CDC42: variants seen among roughly 807,000 people sequenced by gnomAD.
CDC42 encodes the protein cell division cycle 42.
Under a neutral mutation model 20.8 loss-of-function variants are expected in CDC42, and 1 was observed. That is an observed-to-expected ratio of 0.05 (90% CI 0.02 to 0.23). The LOEUF (loss-of-function observed/expected upper bound fraction) is 0.23. CDC42 is among the 10% of genes least tolerant of loss of function. CDC42 has a pLI of 1.00. For missense variants in CDC42, 49 were observed against 227.9 expected, an observed-to-expected ratio of 0.21 and a Z score of 5.05; for synonymous variants, 72 against 84.8, an observed-to-expected ratio of 0.85 and a Z score of 0.83.
In CDC42 at chr1:22,067,556, G is replaced by A. The variant is rs552891136; in HGVS notation, c.-50-10873G>A. 1.4e-4 allele frequency among the ~76,000 whole-genome samples: 21 copies of A among 152,310 alleles called. No homozygotes were observed. The South Asian group carries it at 4.4e-3, about 32-fold the overall frequency. ...GACAGGGTTTCACCAAGTTGGCCAGGCTGGTCTCGAACGCCTGACCTCAGA... is the reference window on the plus strand; with the variant it reads ...GACAGGGTTTCACCAAGTTGGCCAGACTGGTCTCGAACGCCTGACCTCAGA... On this transcript the variant is annotated intron_variant, in intron 1 of 5. Transcript: ENST00000656825.
intron 1 of CDC42, among the ~76,000 whole-genome samples, chr1:22,076,272 C>T (rs1645548564): frequency 6.6e-6 from 1 of 151,942 alleles, no homozygotes; most frequent in East Asian, 1.9e-4. Context: ...CCAGCCTGGC[C>T]AACATGGTGA....
At chr1:22,060,717 C>A (rs1645353544) in intron 1 of CDC42, among the ~76,000 whole-genome samples, 1 of 152,110 alleles carries the variant, frequency 6.6e-6, no homozygotes, top group Admixed American at 6.6e-5. Context: ...GTATTTGTTT[C>A]ATTAGCTGAA....
At chr1:22,067,498 G>C (rs1221412109) in intron 1 of CDC42, among the ~76,000 whole-genome samples, 2 of 152,034 alleles carry the variant, frequency 1.3e-5, no homozygotes, top group Non-Finnish European at 2.9e-5. Context: ...TTACAGGCAT[G>C]CGCCACCGGC....
intron 1 of CDC42, among the ~76,000 whole-genome samples, chr1:22,069,613 C>CTTTTT (rs56218067): frequency 9.1e-6 from 1 of 109,766 alleles, no homozygotes; most frequent in Non-Finnish European, 1.8e-5. Context: ...CATGCCACCA[C>CTTTTT]TTTTTTTTTT....
At chr1:22,054,053 A>G (rs1645268049) in intron 1 of CDC42, among the ~76,000 whole-genome samples, 8 of 152,134 alleles carry the variant, frequency 5.3e-5, no homozygotes, top group Admixed American at 5.2e-4. Context: ...GGTTGATTCA[A>G]GTGCACTTTT....
rs748472409 is a variant in CDC42 at position 22,058,902 on chromosome 1, A to G, written c.-51+6160A>G. ...TGATTATAGCTCACTGTAACCTTGA[A>G]CTCCTGGGCTTAAAGGATCCTCCAA... On this transcript the variant is annotated intron_variant, in intron 1 of 5. Coordinates refer to ENST00000656825, the MANE Select transcript of CDC42 (RefSeq NM_001791.4). Among the ~76,000 whole-genome samples, 3 of 150,392 alleles carry G rather than the reference A, an allele frequency of 2.0e-5. No individual in the cohort carries two copies. The Admixed American group carries it at 2.0e-4, about 10-fold the overall frequency.
At chr1:22,088,900 C>T (rs1445255844) in intron 5 of CDC42, among the ~76,000 whole-genome samples, 1 of 152,084 alleles carries the variant, frequency 6.6e-6, no homozygotes, top group African/African-American at 2.4e-5. Context: ...TTAACTTTTG[C>T]TGCTTTTAAA....
At chr1:22,074,966 A>G (rs529058740) in intron 1 of CDC42, among the ~76,000 whole-genome samples, 2 of 152,336 alleles carry the variant, frequency 1.3e-5, no homozygotes, top group East Asian at 3.9e-4. Flanking sequence ...AGTTAATATC[A>G]GGTTACTTCA....
intron 1 of CDC42, among the ~76,000 whole-genome samples, chr1:22,067,496 A>C (rs1050590731): frequency 5.9e-5 from 9 of 151,942 alleles, no homozygotes; most frequent in Non-Finnish European, 1.2e-4. Flanking sequence ...GGTTACAGGC[A>C]TGCGCCACCG....
At chr1:22,088,326 T>C (rs1279532290) in intron 5 of CDC42, among the ~76,000 whole-genome samples, 34 of 152,262 alleles carry the variant, frequency 2.2e-4, no homozygotes, top group Non-Finnish European at 5.9e-5. Flanking sequence ...GCCCTGTGGA[T>C]TCACTTTTAG....
chr1:22,069,016 T>C lies in CDC42; in HGVS notation c.-50-9413T>C, dbSNP rs190185815. ...CTCCAAGAGGGCGTGAACTTTGTTA[T>C]GTGAATTGTGGGGTGTGCCTACGTA... On this transcript the variant is annotated intron_variant, in intron 1 of 5. Coordinates refer to ENST00000656825, the MANE Select transcript of CDC42 (RefSeq NM_001791.4). 2.6e-4 allele frequency among the ~76,000 whole-genome samples: 39 copies of C among 152,300 alleles called. 1 individual carries two copies. The East Asian group carries it at 6.9e-3, about 27-fold the overall frequency.
At chr1:22,057,539 C>T (rs928393623) in intron 1 of CDC42, among the ~76,000 whole-genome samples, 4 of 151,880 alleles carry the variant, frequency 2.6e-5, no homozygotes, top group African/African-American at 4.8e-5. Context: ...CATGCGTCAG[C>T]GCCCCTGGCT....
chr1:22,089,205 C>T (rs1219672970), intron 5 of CDC42, among the ~76,000 whole-genome samples: 2 of 152,200 alleles, frequency 1.3e-5, no homozygotes, highest in East Asian at 1.9e-4. Context: ...TGCTGAGTCA[C>T]ACTGTCATGT....
At chr1:22,054,088 G>A (rs1645268424) in intron 1 of CDC42, among the ~76,000 whole-genome samples, 1 of 152,096 alleles carries the variant, frequency 6.6e-6, no homozygotes, top group Non-Finnish European at 1.5e-5. Flanking sequence ...GTTGAAAAGA[G>A]GATCAGTTTA....
chr1:22,073,154 C>G (rs145216426), intron 1 of CDC42, among the ~76,000 whole-genome samples: 1 of 152,216 alleles, frequency 6.6e-6, no homozygotes, highest in African/African-American at 2.4e-5. Flanking sequence ...GGTTCCATAA[C>G]CTTTTAAAAT....
chr1:22,060,395 G>A (rs1339226642), intron 1 of CDC42, among the ~76,000 whole-genome samples: 1 of 152,088 alleles, frequency 6.6e-6, no homozygotes, highest in African/African-American at 2.4e-5. Flanking sequence ...AGGAGGAGAG[G>A]TGTCTGAGAA....
At chr1:22,055,516 G>A (rs1448130044) in intron 1 of CDC42, among the ~76,000 whole-genome samples, 1 of 149,928 alleles carries the variant, frequency 6.7e-6, no homozygotes, top group African/African-American at 2.5e-5. Flanking sequence ...TGGAGACAGG[G>A]TCTTACTCTG....
At chr1:22,053,599 C>G (rs1447802773) in intron 1 of CDC42, among the ~76,000 whole-genome samples, 1 of 152,136 alleles carries the variant, frequency 6.6e-6, no homozygotes, top group Middle Eastern at 3.2e-3. Context: ...TGTTTTTCCT[C>G]CCCTTTAAGT....
intron 1 of CDC42, among the ~76,000 whole-genome samples, chr1:22,073,171 T>C (rs943843177): frequency 1.2e-3 from 186 of 152,152 alleles, no homozygotes; most frequent in Non-Finnish European, 3.1e-4. Flanking sequence ...AAATCTGTAG[T>C]GTGTGGACTT....
Sources: allele counts gnomAD v4.1 joint callset (sites outside exome capture counted in the v4.1 genomes callset), GRCh38; gene constraint gnomAD v4.1.1; transcripts MANE v1.5; gene names NCBI Gene and HGNC (gene_info 2026-07-23, HGNC 2026-07-21).